ZNF827: variants seen among roughly 807,000 people sequenced by gnomAD.
ZNF827 encodes zinc finger protein 827.
In ZNF827, 13 loss-of-function variants were observed where a neutral mutation model predicts 102.4. The ratio of observed to expected loss-of-function variants is 0.13; its 90% CI spans 0.08 to 0.20. The LOEUF is 0.20. Ranked by LOEUF, ZNF827 falls within the 10% of genes least tolerant of loss-of-function variation. The probability of loss-of-function intolerance (pLI) is 1.00; values close to 1 mark genes in which losing one functional copy is unlikely to be tolerated. For synonymous variants in ZNF827, 523 were observed against 536.2 expected (o/e 0.98, Z 0.34); for missense variants, 1,103 against 1,344.4 (o/e 0.82, Z 2.81).
At chr4:145,768,858 CAAAAAAAAAAAAA>C (rs1174930111) in intron 11 of ZNF827, among the ~76,000 whole-genome samples, 11 of 4,530 alleles carry the variant, frequency 2.4e-3, no homozygotes, top group East Asian at 0.012. Flanking sequence ...GACTCCGTCT[CAAAAAAAAAAAAA>C]AAAAAAAAAA....
At chr4:145,848,954 AC>A (rs1746251509) in intron 6 of ZNF827, among the ~76,000 whole-genome samples, 8 of 152,150 alleles carry the variant, frequency 5.3e-5, no homozygotes, top group African/African-American at 1.7e-4. Flanking sequence ...TAATTCAGTC[AC>A]TGTTGGAATA....
intron 8 of ZNF827, among the ~76,000 whole-genome samples, chr4:145,814,797 C>T (rs530767609): frequency 3.6e-3 from 541 of 150,686 alleles, no homozygotes; most frequent in Non-Finnish European, 5.5e-3. Flanking sequence ...AAAAATTTGC[C>T]GGGCGTTGTG....
At chr4:145,926,055 G>C (rs1267211657) in intron 1 of ZNF827, among the ~76,000 whole-genome samples, 2 of 152,072 alleles carry the variant, frequency 1.3e-5, no homozygotes, top group African/African-American at 4.8e-5. Context: ...TTAATTATTT[G>C]TTTCCATCTC....
intron 7 of ZNF827, chr4:145,839,554 C>T (rs1369994349): frequency 6.6e-6 from 1 of 152,184 alleles, no homozygotes; most frequent in Admixed American, 6.5e-5. Context: ...GTCTCCTGGC[C>T]CACTGCATCA....
At chr4:145,827,443 A>G (rs546297832) in intron 7 of ZNF827, among the ~76,000 whole-genome samples, 1 of 152,216 alleles carries the variant, frequency 6.6e-6, no homozygotes, top group African/African-American at 2.4e-5. Flanking sequence ...AAGTTAAGAT[A>G]TGCCCCAATT....
intron 8 of ZNF827, among the ~76,000 whole-genome samples, chr4:145,787,352 A>G (rs2127029609): frequency 6.6e-6 from 1 of 151,472 alleles, no homozygotes; most frequent in Non-Finnish European, 1.5e-5. Context: ...AGTCCCAGCT[A>G]CTCAGGAGGC....
At position 145,763,131 on chromosome 4, in the gene ZNF827, A is replaced by G. The variant is rs1734785719; in HGVS notation, c.3231-9T>C. On this transcript the variant is annotated splice_polypyrimidine_tract_variant and intron_variant, in intron 13 of 14. Transcript: ENST00000508784. The surrounding 1 kb of genome is among the most constrained non-coding windows in gnomAD (Gnocchi z 4.6). ...CTCACCACTGTCCTGAGCTACGGCA[A>G]AAGAAAAATAATAGTATAATCTTAT... The G allele has an allele frequency of 6.5e-7, 1 of 1,536,120 alleles. No individual in the cohort carries two copies. The highest frequency in any genetic ancestry group is 1.4e-5 in the African/African-American group (1 of 73,174).
At chr4:145,797,350 T>G (rs1159045062) in intron 8 of ZNF827, among the ~76,000 whole-genome samples, 1 of 152,140 alleles carries the variant, frequency 6.6e-6, no homozygotes, top group Non-Finnish European at 1.5e-5. Flanking sequence ...TTAGGAAAAA[T>G]TATTTTAGGA....
At chr4:145,840,138 G>A (rs1745272534) in intron 7 of ZNF827, among the ~76,000 whole-genome samples, 1 of 152,254 alleles carries the variant, frequency 6.6e-6, no homozygotes, top group African/African-American at 2.4e-5. Context: ...CAGGCTCTGT[G>A]TGTGTGTATC....
Position 145,883,707 on chromosome 4 carries a change from T to C in ZNF827, c.1747+1971A>G, listed in dbSNP as rs555932156. On this transcript the variant is annotated intron_variant, in intron 4 of 14. Coordinates refer to ENST00000508784, the MANE Select transcript of ZNF827 (RefSeq NM_001306215.2). ...GTCATGGAGTAAAGGGAGTAACACC[T>C]TATTCAGAGTCATTCACCCCCACTC... Among the ~76,000 whole-genome samples the C allele has an allele frequency of 1.1e-4, 16 of 152,326 alleles. No homozygotes were observed. The East Asian group carries it at 3.1e-3, about 29-fold the overall frequency.
At chr4:145,850,923 G>A (rs1746466137) in intron 5 of ZNF827, among the ~76,000 whole-genome samples, 1 of 152,160 alleles carries the variant, frequency 6.6e-6, no homozygotes, top group Non-Finnish European at 1.5e-5. Context: ...ATGTGATTAA[G>A]TCAAGAATCT....
intron 4 of ZNF827, chr4:145,876,502 C>T (rs1876477): frequency 0.2 from 30,537 of 152,140 alleles, 3,435 homozygotes; most frequent in East Asian, 0.42. Context: ...TATGTAGATA[C>T]ATATGGATAG....
rs1734217537 is a variant in ZNF827 at position 145,759,388 on chromosome 4, C to G, written c.*2228G>C. ...CAATAAAGTGCTGCACATAAATTGC[C>G]ATTTTAATGACCACAAAATAAGAGC... On this transcript the variant is annotated 3_prime_UTR_variant, in exon 15 of 15. Coordinates refer to ENST00000508784, the MANE Select transcript of ZNF827 (RefSeq NM_001306215.2). 6.6e-6 allele frequency: 1 copy of G among 152,124 alleles called. No homozygotes were observed. The highest frequency in any genetic ancestry group is 2.4e-5 in the African/African-American group (1 of 41,410). The allele number at this position is 152,124 out of a possible 1,614,324, so 9.4% of individuals were successfully genotyped here. A position where few individuals can be genotyped will look rare whatever the true frequency, so the allele number is the denominator to read the frequency against.
chr4:145,770,844 G>A (rs1004271506), intron 11 of ZNF827: 1 of 152,136 alleles, frequency 6.6e-6, no homozygotes, highest in African/African-American at 2.4e-5. Flanking sequence ...GGGTCACAGG[G>A]CATTACATTT....
intron 8 of ZNF827, among the ~76,000 whole-genome samples, chr4:145,810,181 T>A (rs1371137762): frequency 6.6e-6 from 1 of 152,246 alleles, no homozygotes; most frequent in Admixed American, 6.5e-5. Context: ...CATGGAATCA[T>A]ACCATTCATG....
rs557153224 is a variant in ZNF827, at chr4:145,787,890, A to G, written c.2384-8379T>C. On this transcript the variant is annotated intron_variant, in intron 8 of 14. Coordinates refer to ENST00000508784, the MANE Select transcript of ZNF827 (RefSeq NM_001306215.2). The stretch of plus-strand genomic sequence containing the variant: ...CCCACATCTTGCACAGGGTCAAGTA[A>G]CCGTTTCCACAGTAATTAAATCTCC... Among the ~76,000 whole-genome samples the G allele has an allele frequency of 2.0e-5, 3 of 152,262 alleles. No homozygotes were observed. The South Asian group carries it at 6.2e-4, about 32-fold the overall frequency.
At chr4:145,816,625 T>C (rs1202158112) in intron 8 of ZNF827, among the ~76,000 whole-genome samples, 3 of 152,180 alleles carry the variant, frequency 2.0e-5, no homozygotes, top group Admixed American at 2.0e-4. Flanking sequence ...AAGACCAAAC[T>C]AGGCTGGTGG....
intron 7 of ZNF827, among the ~76,000 whole-genome samples, chr4:145,829,364 C>T (rs895973462): frequency 2.6e-5 from 4 of 151,886 alleles, no homozygotes; most frequent in Non-Finnish European, 4.4e-5. Flanking sequence ...CTTCTATCTG[C>T]ACAGAGACAA....
chr4:145,814,294 CACCAGT>C (rs1350378010), intron 8 of ZNF827, among the ~76,000 whole-genome samples: 7 of 152,308 alleles, frequency 4.6e-5, no homozygotes, highest in African/African-American at 1.7e-4. Flanking sequence ...TACTTCCCAC[CACCAGT>C]ACCTGCATGT....
Sources: allele counts gnomAD v4.1 joint callset (sites outside exome capture counted in the v4.1 genomes callset), GRCh38; gene constraint gnomAD v4.1.1; non-coding constraint Gnocchi (gnomAD v3.1); transcripts MANE v1.5; gene names NCBI Gene and HGNC (gene_info 2026-07-23, HGNC 2026-07-21).